The following TG variants were observed in gnomAD, a reference collection of about 807,000 sequenced individuals.
The protein encoded by TG is thyroid hormones.
TG carries 270 observed loss-of-function variants against 324.7 expected under a neutral mutation model. That is an observed-to-expected ratio of 0.83 (90% CI 0.75 to 0.92). The LOEUF (loss-of-function observed/expected upper bound fraction) is 0.92, where lower values mean the gene tolerates loss of function less well. Ranked by LOEUF, TG falls within the 40% of genes least tolerant of loss-of-function variation. The pLI is 0.00. For synonymous variants in TG, 1,401 were observed against 1,327.0 expected (o/e 1.06, Z -1.21); for missense variants, 3,591 against 3,456.4 (o/e 1.04, Z -0.98).
chr8:132,943,431 A>T (rs1458972021), intron 26 of TG, among the ~76,000 whole-genome samples: 1 of 152,146 alleles, frequency 6.6e-6, no homozygotes, highest in Non-Finnish European at 1.5e-5. Flanking sequence ...CTGCAGAATC[A>T]TGAGCCAATT....
At chr8:133,097,667 A>T (rs1198949116) in intron 43 of TG, among the ~76,000 whole-genome samples, 3 of 152,256 alleles carry the variant, frequency 2.0e-5, no homozygotes, top group Non-Finnish European at 2.9e-5. Flanking sequence ...GCATAGAAGG[A>T]TAACTGAGTA....
At chr8:133,114,818 G>T (rs1196494125) in intron 44 of TG, among the ~76,000 whole-genome samples, 1 of 152,220 alleles carries the variant, frequency 6.6e-6, no homozygotes, top group Admixed American at 6.5e-5. Flanking sequence ...TGGGCTGGAA[G>T]GTGTTAGAGA....
At chr8:132,964,233 A>G (rs1456063597) in intron 29 of TG, among the ~76,000 whole-genome samples, 2 of 152,022 alleles carry the variant, frequency 1.3e-5, no homozygotes, top group Admixed American at 6.6e-5. Context: ...AAACTCTCAC[A>G]TGATTCACAC....
intron 41 of TG, among the ~76,000 whole-genome samples, chr8:133,089,251 C>A (rs957228714): frequency 1.3e-5 from 2 of 152,202 alleles, no homozygotes; most frequent in African/African-American, 4.8e-5. Flanking sequence ...TCTTCTGTTC[C>A]GCATATGGTG....
At chr8:133,122,994 T>G (rs1457400581) in intron 45 of TG, among the ~76,000 whole-genome samples, 3 of 152,030 alleles carry the variant, frequency 2.0e-5, no homozygotes, top group African/African-American at 7.2e-5. Flanking sequence ...CCCTTTGTTG[T>G]GGGAGGCTGT....
intron 16 of TG, among the ~76,000 whole-genome samples, chr8:132,904,450 GCTGGGCCCA>G (rs796783758): frequency 3.9e-4 from 60 of 152,332 alleles, no homozygotes; most frequent in African/African-American, 1.4e-3. Flanking sequence ...ACTCTCTGGG[GCTGGGCCCA>G]CTGTGGATAT....
At chr8:132,924,040 G>A (rs751962129) in intron 22 of TG, among the ~76,000 whole-genome samples, 16 of 152,028 alleles carry the variant, frequency 1.1e-4, no homozygotes, top group Non-Finnish European at 1.5e-4. Flanking sequence ...TTATTGCATT[G>A]TAATATATAA....
intron 41 of TG, among the ~76,000 whole-genome samples, chr8:133,080,913 A>C (rs972139839): frequency 6.6e-6 from 1 of 152,174 alleles, no homozygotes; most frequent in Non-Finnish European, 1.5e-5. Flanking sequence ...CTCAACCAAC[A>C]ATGATTGCTC....
chr8:132,931,564 G>A (rs997597325), intron 23 of TG, among the ~76,000 whole-genome samples: 4 of 152,140 alleles, frequency 2.6e-5, no homozygotes, highest in Admixed American at 1.3e-4. Flanking sequence ...GGATTGTTGG[G>A]GGTGTGAGGG....
intron 10 of TG, among the ~76,000 whole-genome samples, chr8:132,890,373 C>A (rs1816060207): frequency 6.6e-6 from 1 of 151,844 alleles, no homozygotes; most frequent in African/African-American, 2.4e-5. Flanking sequence ...TATTCAAACT[C>A]TTTTGTTGAT....
chr8:133,070,805 G>C (rs765820113), intron 41 of TG, among the ~76,000 whole-genome samples: 2 of 152,214 alleles, frequency 1.3e-5, no homozygotes, highest in African/African-American at 4.8e-5. Flanking sequence ...ACACTGGCCC[G>C]TGTCTGCAGG....
intron 34 of TG, among the ~76,000 whole-genome samples, chr8:132,974,802 C>T (rs1330056629): frequency 1.3e-5 from 2 of 152,180 alleles, no homozygotes; most frequent in African/African-American, 2.4e-5. Context: ...AGATGCAGCT[C>T]CCAGGCAGTA....
At chr8:132,878,233 G>C (rs921665156) in intron 5 of TG, among the ~76,000 whole-genome samples, 9 of 152,112 alleles carry the variant, frequency 5.9e-5, no homozygotes, top group African/African-American at 1.7e-4. Context: ...CCTCATGAAG[G>C]GGGGAACACT....
chr8:132,939,583 G>T (rs1824120119), intron 25 of TG, among the ~76,000 whole-genome samples: 1 of 152,172 alleles, frequency 6.6e-6, no homozygotes, highest in South Asian at 2.1e-4. Flanking sequence ...TGGCTTTTTG[G>T]AGATACATAA....
chr8:132,893,286 G>C (rs1816568886), intron 10 of TG, among the ~76,000 whole-genome samples: 1 of 145,232 alleles, frequency 6.9e-6, no homozygotes, highest in African/African-American at 2.6e-5. Context: ...GGTGGTGTGT[G>C]TGTATGTGTA....
At position 132,913,161 on chromosome 8, in the gene TG, T is replaced by C. The variant is rs1478045048; in HGVS notation, c.4274T>C (p.Leu1425Pro). ...TTCCCAGCGGAAACCATCCGCTTCC[T>C]CCAAGGGGACCACTTTGGCACCTCT... ...KTFPAETIRF[L>P]QGDHFGTSPR... Residue 1425 changes from leucine (L) to proline (P), a missense_variant, in exon 20 of 48, where the codon CTC (leucine) becomes CCC (proline). Coordinates refer to ENST00000220616, the MANE Select transcript of TG (RefSeq NM_003235.5). The C allele has an allele frequency of 2.5e-6, 4 of 1,614,042 alleles. No homozygotes were observed. Among genetic ancestry groups the C allele is most frequent in the Non-Finnish European group, 3.4e-6 (4 of 1,180,026 alleles).
At chr8:133,069,582 G>T (rs1007420664) in intron 41 of TG, among the ~76,000 whole-genome samples, 1 of 152,224 alleles carries the variant, frequency 6.6e-6, no homozygotes, top group Non-Finnish European at 1.5e-5. Context: ...TTGTGTGACT[G>T]AGTGGTGAGT....
In TG at chr8:132,919,490, C is replaced by T. The variant is rs74590117; in HGVS notation, c.4493C>T (p.Thr1498Met). The T allele has an allele frequency of 2.5e-3, 4,079 of 1,614,042 alleles. 188 individuals are homozygous for T. In the East Asian group the frequency reaches 0.077, roughly 30 times the overall value. The change falls in exon 21 of 48, where the codon ACG becomes ATG. Residue 1498 changes from threonine (T) to methionine (M), a missense_variant. Thr to Met is a moderately conservative substitution (Grantham distance 81, BLOSUM62 -1). Coordinates refer to ENST00000220616, the MANE Select transcript of TG (RefSeq NM_003235.5). ...TGTGTCCCATGTCCTGTGGGCAGAACGACCATTTCTGCTGGAGCTTTCAGC... is the reference window on the plus strand; with the variant it reads ...TGTGTCCCATGTCCTGTGGGCAGAATGACCATTTCTGCTGGAGCTTTCAGC... ...LACVPCPVGR[T>M]TISAGAFSQT...
chr8:132,907,921 A>G (rs1469720931), intron 17 of TG, among the ~76,000 whole-genome samples: 1 of 152,168 alleles, frequency 6.6e-6, no homozygotes, highest in African/African-American at 2.4e-5. Flanking sequence ...AAGATTTTCC[A>G]AGGAGAATGT....
Sources: allele counts gnomAD v4.1 joint callset (sites outside exome capture counted in the v4.1 genomes callset), GRCh38; gene constraint gnomAD v4.1.1; transcripts MANE v1.5; gene names NCBI Gene and HGNC (gene_info 2026-07-23, HGNC 2026-07-21).